Variants in KCNT1 observed in about 807,000 individuals in gnomAD.
KCNT1 encodes the protein potassium channel subfamily T member 1.
In KCNT1, 78 loss-of-function variants were observed where a neutral mutation model predicts 147.8. That is an observed-to-expected ratio of 0.53 (90% CI 0.44 to 0.64). The LOEUF is 0.64. Among genes scored for constraint, KCNT1 ranks in the 30% least tolerant of loss-of-function variants. The pLI, the probability that KCNT1 is intolerant of heterozygous loss-of-function variation, is 0.00. For missense variants in KCNT1, 1,419 were observed against 1,750.3 expected, an observed-to-expected ratio of 0.81 and a Z score of 3.38; for synonymous variants, 867 against 748.8, an observed-to-expected ratio of 1.16 and a Z score of -2.58.
Position 135,795,313 on chromosome 9 carries a change from A to G in KCNT1, c.*3152A>G, listed in dbSNP as rs773057008. 4 of 151,526 alleles carry G rather than the reference A, an allele frequency of 2.6e-5. No individual in the cohort carries two copies. Among genetic ancestry groups the G allele is most frequent in the Non-Finnish European group, 4.4e-5 (3 of 67,920 alleles). The allele number at this position is 151,526 out of a possible 1,614,324, so 9.4% of individuals were successfully genotyped here. A position where few individuals can be genotyped will look rare whatever the true frequency, so the allele number is the denominator to read the frequency against. ...AAAAAAAATAGCTAGACGTGGTGGC[A>G]TGTGCATACAGTCCCAGGTACCCAA... On this transcript the variant is annotated 3_prime_UTR_variant, in exon 31 of 31. Transcript: ENST00000371757.
In KCNT1 at chr9:135,753,976, G is replaced by A. The variant is rs139076605; in HGVS notation, c.474G>A (p.Ser158=). Residue 158 remains serine, a synonymous_variant, in exon 5 of 31, where the codon TCG becomes TCA. Coordinates refer to ENST00000371757, the MANE Select transcript of KCNT1 (RefSeq NM_020822.3). The part of the protein sequence containing the change: ...CPKQNYSFND[S]SSEINWAPIL... Reference sequence around the variant, plus strand: ...AGCAGAACTACTCCTTCAATGACTCGTCCTCCGAGATCAACTGGTGAGTCC... The same window carrying A: ...AGCAGAACTACTCCTTCAATGACTCATCCTCCGAGATCAACTGGTGAGTCC... The A allele has an allele frequency of 3.6e-4, 577 of 1,614,072 alleles. 2 individuals carry two copies. The highest frequency in any genetic ancestry group is 2.0e-3 in the Middle Eastern group (12 of 6,060).
rs1237920561 is a variant in KCNT1, at chr9:135,732,020, A to G, written c.254+17300A>G. 9.8e-4 allele frequency among the ~76,000 whole-genome samples: 124 copies of G among 126,278 alleles called. 3 individuals are homozygous for G. Among genetic ancestry groups the G allele is most frequent in the Admixed American group, 3.0e-3 (38 of 12,652 alleles). 82.8% of individuals were successfully genotyped at this position (126,278 alleles called of 152,430 possible). A position where few individuals can be genotyped will look rare whatever the true frequency, so the allele number is the denominator to read the frequency against. ...GAGAGAGAGAGAGAGAGAGAGAGAGAGAGAGAGAGAGAGAGAGAGAGGGAG... is the reference window on the plus strand; with the variant it reads ...GAGAGAGAGAGAGAGAGAGAGAGAGGGAGAGAGAGAGAGAGAGAGAGGGAG... On this transcript the variant is annotated intron_variant, in intron 2 of 30. Transcript: ENST00000371757.
Position 135,761,657 on chromosome 9 carries a change from A to T in KCNT1, c.1035+1798A>T, listed in dbSNP as rs572684196. Among the ~76,000 whole-genome samples, 16 of 152,222 alleles carry T rather than the reference A, an allele frequency of 1.1e-4. No individual in the cohort carries two copies. In the East Asian group the frequency reaches 2.9e-3, roughly 28 times the overall value. On this transcript the variant is annotated intron_variant, in intron 11 of 30. Transcript: ENST00000371757. Reference sequence around the variant, plus strand: ...CCGTCCCTGGTCCGCCCCGGCCCACACTTCACCACGTGGCCGGCACCTGCT... The same window carrying T: ...CCGTCCCTGGTCCGCCCCGGCCCACTCTTCACCACGTGGCCGGCACCTGCT...
chr9:135,762,789 T>A (rs1832001044), intron 11 of KCNT1, among the ~76,000 whole-genome samples: 1 of 152,170 alleles, frequency 6.6e-6, no homozygotes, highest in African/African-American at 2.4e-5. Context: ...TGACTCCAGG[T>A]GCACCAGGTC....
chr9:135,733,593 T>C (rs1304308493), intron 2 of KCNT1, among the ~76,000 whole-genome samples: 8 of 34,034 alleles, frequency 2.4e-4, no homozygotes, highest in Non-Finnish European at 3.3e-4. Flanking sequence ...CACACCTGCC[T>C]TTGCACCTGC....
intron 2 of KCNT1, among the ~76,000 whole-genome samples, chr9:135,720,906 C>A (rs546396042): frequency 6.6e-6 from 1 of 152,360 alleles, no homozygotes; most frequent in South Asian, 2.1e-4. Context: ...GTGACAGACT[C>A]AGGTGTAGCT....
Position 135,768,246 on chromosome 9 carries a change from GGGGGGGGGGGGCAC to G in KCNT1, c.1338-363_1338-350del, listed in dbSNP as rs1564366260. Among the ~76,000 whole-genome samples the G allele has an allele frequency of 1.0e-4, 4 of 39,382 alleles. 2 individuals are homozygous for G. The highest frequency in any genetic ancestry group is 9.9e-4 in the East Asian group (2 of 2,026). The allele number at this position is 39,382 out of a possible 152,430, so 25.8% of individuals were successfully genotyped here. The stretch of plus-strand genomic sequence containing the variant: ...GAGAGGCCCAGGATGCCTGCGGGGG[GGGGGGGGGGGGCAC>G]TGGGATACCGGTGGGGGGGGCACAG... On this transcript the variant is annotated intron_variant, in intron 13 of 30. Coordinates refer to ENST00000371757, the MANE Select transcript of KCNT1 (RefSeq NM_020822.3).
At chr9:135,763,798 T>C (rs1832071461) in intron 11 of KCNT1, among the ~76,000 whole-genome samples, 1 of 152,052 alleles carries the variant, frequency 6.6e-6, no homozygotes, top group Non-Finnish European at 1.5e-5. Context: ...ACTTTTAGGG[T>C]CACTACGGAG....
At chr9:135,772,006 C>T (rs1832793047) in intron 18 of KCNT1, among the ~76,000 whole-genome samples, 2 of 152,192 alleles carry the variant, frequency 1.3e-5, no homozygotes, top group South Asian at 4.1e-4. Context: ...CCCAGAGGGC[C>T]CTGGGGTTTG....
Position 135,784,028 on chromosome 9 carries a change from A to T in KCNT1, c.2846A>T (p.Glu949Val). The stretch of plus-strand genomic sequence containing the variant: ...GAGGCCCCTCCTTTCCCACAGAGGG[A>T]GCGAGAGAATGGCTCCAACCTGGCC... Reference protein sequence around the residue: ...SLALSKLEKRERENGSNLAFM... With the variant: ...SLALSKLEKRVRENGSNLAFM... The change falls in exon 25 of 31, where the codon GAG becomes GTG. Residue 949 changes from glutamate to valine, a missense_variant. Physicochemically the swap from Glu to Val is moderately radical, Grantham distance 121. This residue lies in a region of KCNT1 where 247 missense variants were observed against 397.1 expected (regional missense o/e 0.62). Coordinates refer to ENST00000371757, the MANE Select transcript of KCNT1 (RefSeq NM_020822.3). The T allele has an allele frequency of 6.2e-7, 1 of 1,606,396 alleles. No homozygotes were observed. Among genetic ancestry groups the T allele is most frequent in the Non-Finnish European group, 8.5e-7 (1 of 1,179,844 alleles).
intron 24 of KCNT1, among the ~76,000 whole-genome samples, chr9:135,780,100 C>A (rs751827490): frequency 6.6e-6 from 1 of 152,230 alleles, no homozygotes; most frequent in Non-Finnish European, 1.5e-5. Flanking sequence ...CCCAGGGGCA[C>A]GGGCACTGTT....
intron 24 of KCNT1, among the ~76,000 whole-genome samples, chr9:135,783,015 C>T (rs1833725394): frequency 6.6e-6 from 1 of 152,234 alleles, no homozygotes; most frequent in South Asian, 2.1e-4. Flanking sequence ...GAATCGAGTT[C>T]TGGTTCCGGG....
intron 6 of KCNT1, among the ~76,000 whole-genome samples, chr9:135,755,406 G>A (rs1831418585): frequency 6.7e-6 from 1 of 149,850 alleles, no homozygotes; most frequent in African/African-American, 2.5e-5. Flanking sequence ...CAGTAAACAG[G>A]TGACTCCAAC....
In KCNT1 at chr9:135,758,489, C is replaced by T. The variant is rs1187706487; in HGVS notation, c.835C>T (p.Leu279=). ...GGTCCTCATCCTCTTCTGCACCCTG[C>T]TGTGCCTCGTTTTCACGGGGTGAGT... The part of the protein sequence containing the change: ...NQVLILFCTL[L]CLVFTGTCGI... The change falls in exon 10 of 31, where the codon CTG becomes TTG. Residue 279 remains leucine (L), a synonymous_variant. Coordinates refer to ENST00000371757, the MANE Select transcript of KCNT1 (RefSeq NM_020822.3). 3.7e-6 allele frequency: 6 copies of T among 1,613,534 alleles called. No individual in the cohort carries two copies. In the East Asian group the frequency reaches 1.3e-4, roughly 36 times the overall value.
At chr9:135,738,455 A>C (rs542969507) in intron 2 of KCNT1, among the ~76,000 whole-genome samples, 67 of 148,052 alleles carry the variant, frequency 4.5e-4, no homozygotes, top group African/African-American at 1.4e-3. Flanking sequence ...TCTCACGGAA[A>C]ACACAGGCGA....
chr9:135,731,631 C>G (rs543625808), intron 2 of KCNT1, among the ~76,000 whole-genome samples: 12 of 152,232 alleles, frequency 7.9e-5, no homozygotes, highest in Middle Eastern at 6.8e-3. Flanking sequence ...GACATCGCCC[C>G]TGTGTCTCTA....
chr9:135,785,717 G>A (rs768055198), intron 28 of KCNT1: 122 of 475,554 alleles, frequency 2.6e-4, no homozygotes, highest in Non-Finnish European at 4.4e-4. Context: ...AGCACCCCAC[G>A]ACCCACAGGC....
intron 2 of KCNT1, among the ~76,000 whole-genome samples, chr9:135,720,344 G>A (rs1588262878): frequency 6.6e-6 from 1 of 151,932 alleles, no homozygotes; most frequent in Non-Finnish European, 1.5e-5. Context: ...CCTGCCCTCC[G>A]AGCCCTCATC....
intron 17 of KCNT1, among the ~76,000 whole-genome samples, 183 bp from the exon 18 acceptor site, chr9:135,770,674 G>C (rs1257256350): frequency 6.6e-6 from 1 of 152,210 alleles, no homozygotes; most frequent in East Asian, 1.9e-4. Flanking sequence ...GCTGACCCCA[G>C]CTCTCTGGTC....
Sources: allele counts gnomAD v4.1 joint callset (sites outside exome capture counted in the v4.1 genomes callset), GRCh38; gene constraint gnomAD v4.1.1; regional missense constraint gnomAD v4.1.1; transcripts MANE v1.5; gene names NCBI Gene and HGNC (gene_info 2026-07-23, HGNC 2026-07-21).